Variants in SETDB1 observed in about 807,000 individuals in gnomAD.
SETDB1 encodes histone-lysine N-methyltransferase SETDB1.
Under a neutral mutation model 137.4 loss-of-function variants are expected in SETDB1, and 31 were observed. The observed-to-expected ratio is 0.23, with a 90% confidence interval of 0.17 to 0.30. The LOEUF (loss-of-function observed/expected upper bound fraction) is 0.30, where lower values mean the gene tolerates loss of function less well. Among genes scored for constraint, SETDB1 ranks in the 10% least tolerant of loss-of-function variants. The probability of loss-of-function intolerance (pLI) is 1.00; values close to 1 mark genes in which losing one functional copy is unlikely to be tolerated. For missense variants in SETDB1, 1,113 were observed against 1,631.5 expected (o/e 0.68, Z 5.47); for synonymous variants, 548 against 579.9 (o/e 0.95, Z 0.79).
chr1:150,948,998 C>A, intron 10 of SETDB1, 124 bp from the exon 11 acceptor site: 1 of 1,001,246 alleles, frequency 1.0e-6, no homozygotes, highest in Non-Finnish European at 1.5e-6. Context: ...GGATTACAGG[C>A]AAGAGCCACT....
In SETDB1 at chr1:150,945,147, TG is replaced by T. The variant is rs587715611; in HGVS notation, c.1140+47del. The T allele has an allele frequency of 1.2e-4, 192 of 1,610,450 alleles. 1 individual carries two copies. The highest frequency in any genetic ancestry group is 7.4e-4 in the Admixed American group (44 of 59,580). ...CTACAATTTTGGAGGCAGAGGTTGG[TG>T]GGGGGGGAACTTAAGAAGCAGTAAT... is the stretch of plus-strand genomic sequence containing the variant. On this transcript the variant is annotated intron_variant, in intron 9 of 21. Coordinates refer to ENST00000692827, the MANE Select transcript of SETDB1 (RefSeq NM_001366418.1).
intron 5 of SETDB1, among the ~76,000 whole-genome samples, 160 bp from the exon 6 acceptor site, chr1:150,942,403 G>A (rs1014454668): frequency 2.1e-5 from 3 of 142,322 alleles, no homozygotes; most frequent in African/African-American, 8.0e-5. Flanking sequence ...AGCCAAGATC[G>A]CACCACTGCA....
At chr1:150,963,294 T>A in intron 19 of SETDB1, 155 bp downstream of exon 19, 1 of 740,694 alleles carries the variant, frequency 1.4e-6, no homozygotes, top group South Asian at 1.9e-5. Context: ...GCTAAACTAT[T>A]GTTTGACACA....
intron 3 of SETDB1, among the ~76,000 whole-genome samples, chr1:150,933,119 G>A (rs1013492330): frequency 2.6e-5 from 4 of 152,194 alleles, no homozygotes; most frequent in Non-Finnish European, 5.9e-5. Context: ...GAGTGTGATA[G>A]CATGATCATA....
chr1:150,958,520 G>A (rs1312314446), intron 14 of SETDB1, among the ~76,000 whole-genome samples: 2 of 151,852 alleles, frequency 1.3e-5, no homozygotes, highest in Non-Finnish European at 2.9e-5. Context: ...AAAGTGCTGG[G>A]ATTATAGGCA....
chr1:150,952,072 C>CA (rs1397990688), intron 14 of SETDB1, among the ~76,000 whole-genome samples: 1 of 151,678 alleles, frequency 6.6e-6, no homozygotes, highest in African/African-American at 2.4e-5. Context: ...CGCTTGAATC[C>CA]AGGAGGCAGA....
Position 150,950,972 on chromosome 1 carries a change from A to G in SETDB1, c.2098A>G (p.Thr700Ala). Residue 700 changes from threonine to alanine, a missense_variant, in exon 13 of 22, where the codon ACA becomes GCA. Coordinates refer to ENST00000692827, the MANE Select transcript of SETDB1 (RefSeq NM_001366418.1). ...CCTATCCTGTGTCAATGAGATTGAC[A>G]CAACCCCTCCACCCCAGGTGGCCTA... Reference protein sequence around the residue: ...VPLSCVNEIDTTPPPQVAYSK... With the variant: ...VPLSCVNEIDATPPPQVAYSK... 1 of 1,614,144 alleles carries G rather than the reference A, an allele frequency of 6.2e-7. No homozygotes were observed. Among genetic ancestry groups the G allele is most frequent in the Non-Finnish European group, 8.5e-7 (1 of 1,180,026 alleles).
At chr1:150,962,785 C>CTGTTAGGT (rs1198391065) in intron 18 of SETDB1, 66 bp downstream of exon 18, 7 of 1,552,646 alleles carry the variant, frequency 4.5e-6, no homozygotes, top group Non-Finnish European at 6.2e-6. Flanking sequence ...CTCATCAAGT[C>CTGTTAGGT]CTTCACTATA....
intron 14 of SETDB1, among the ~76,000 whole-genome samples, chr1:150,952,949 A>G (rs1330764999): frequency 6.6e-6 from 1 of 152,232 alleles, no homozygotes; most frequent in Non-Finnish European, 1.5e-5. Flanking sequence ...AGAAATGTCA[A>G]GAAGACACTG....
chr1:150,932,211 C>G (rs1031777960), intron 3 of SETDB1, among the ~76,000 whole-genome samples: 1 of 151,172 alleles, frequency 6.6e-6, no homozygotes, highest in Non-Finnish European at 1.5e-5. Context: ...CATGGTGAAA[C>G]CCCTTCTCTA....
chr1:150,926,931 C>G, intron 1 of SETDB1: 1 of 476,670 alleles, frequency 2.1e-6, no homozygotes. Flanking sequence ...CACATGGAAG[C>G]AAAGTAATAT....
intron 16 of SETDB1, 83 bp downstream of exon 16, chr1:150,961,274 G>T: frequency 7.3e-7 from 1 of 1,363,264 alleles, no homozygotes; most frequent in Non-Finnish European, 1.0e-6. Context: ...GTCTTTGCAT[G>T]TAGATTATTC....
At chr1:150,932,700 T>C (rs930423302) in intron 3 of SETDB1, among the ~76,000 whole-genome samples, 2 of 152,176 alleles carry the variant, frequency 1.3e-5, no homozygotes, top group African/African-American at 4.8e-5. Context: ...TCCTTTTACT[T>C]ACTGGGTTTG....
At chr1:150,933,799 T>TTTTTTTG (rs1669858444) in intron 3 of SETDB1, among the ~76,000 whole-genome samples, 1 of 140,000 alleles carries the variant, frequency 7.1e-6, no homozygotes, top group African/African-American at 2.6e-5. Flanking sequence ...TTTTTTTTTT[T>TTTTTTTG]GAGATGGAGT....
At chr1:150,937,981 G>A (rs1347052229) in intron 3 of SETDB1, among the ~76,000 whole-genome samples, 3 of 152,102 alleles carry the variant, frequency 2.0e-5, no homozygotes, top group Admixed American at 2.0e-4. Context: ...TGTAATCCTA[G>A]CACTTTGGGA....
chr1:150,949,398 A>G lies in SETDB1; in HGVS notation c.1456A>G (p.Lys486Glu). The G allele has an allele frequency of 6.2e-7, 1 of 1,614,172 alleles. No individual in the cohort carries two copies. The highest frequency in any genetic ancestry group is 8.5e-7 in the Non-Finnish European group (1 of 1,180,020). The change falls in exon 12 of 22, where the codon AAG becomes GAG. Residue 486 changes from lysine to glutamate, a missense_variant. Lys to Glu is a moderately conservative substitution (Grantham distance 56, BLOSUM62 1). This residue lies in a region of SETDB1 where 192 missense variants were observed against 198.1 expected (regional missense o/e 0.97). Transcript: ENST00000692827. Reference sequence around the variant, plus strand: ...GGAAAGCCAGCTTGCCCAGTCACGGAAGCAGGTAGCCAAAAAGAGCACGTC... The same window carrying G: ...GGAAAGCCAGCTTGCCCAGTCACGGGAGCAGGTAGCCAAAAAGAGCACGTC... ...SLESQLAQSR[K>E]QVAKKSTSFR... is the part of the protein sequence containing the mutation.
At chr1:150,939,311 C>T (rs187033490) in intron 3 of SETDB1, among the ~76,000 whole-genome samples, 36 of 129,252 alleles carry the variant, frequency 2.8e-4, no homozygotes, top group African/African-American at 9.2e-4. Context: ...CAGGCTTGAA[C>T]TATACATTTT....
In SETDB1 at chr1:150,943,988, G is replaced by A. The variant is rs777849218; in HGVS notation, c.944G>A (p.Arg315Gln). 12 of 1,607,738 alleles carry A rather than the reference G, an allele frequency of 7.5e-6. No individual in the cohort carries two copies. The highest frequency in any genetic ancestry group is 8.5e-6 in the Non-Finnish European group (10 of 1,174,446). Residue 315 changes from arginine to glutamine, a missense_variant, in exon 8 of 22, where the codon CGG becomes CAG. Arg to Gln is a conservative substitution (Grantham distance 43). This residue lies in a region of SETDB1 where 154 missense variants were observed against 303.1 expected (regional missense o/e 0.51). Transcript: ENST00000692827. ...CAGTCGGAACTGTATCCCATTTGCC[G>A]GCCACGTGAGTGTTTCTCCCTTATT... is the stretch of plus-strand genomic sequence containing the variant. Reference protein sequence around the residue: ...VTQSELYPICRPLKKTWEDIE... With the variant: ...VTQSELYPICQPLKKTWEDIE...
intron 9 of SETDB1, chr1:150,945,448 G>A (rs1256030881): frequency 2.3e-6 from 1 of 437,714 alleles, no homozygotes; most frequent in Admixed American, 4.2e-5. Flanking sequence ...ACGAAGAAGA[G>A]GGATCAAGGA....
Sources: gnomAD v4.1 joint callset for allele counts (sites outside exome capture counted in the v4.1 genomes callset) on GRCh38, gnomAD v4.1.1 for gene constraint, gnomAD v4.1.1 regional missense constraint, MANE v1.5 for transcripts, NCBI Gene and HGNC (gene_info 2026-07-23, HGNC 2026-07-21) for gene names.